The following MAGI1 variants were observed in gnomAD, a reference collection of about 807,000 sequenced individuals.
MAGI1 encodes membrane-associated guanylate kinase, WW and PDZ domain-containing protein 1.
In MAGI1, 58 loss-of-function variants were observed where a neutral mutation model predicts 139.9. The observed-to-expected ratio is 0.41, with a 90% CI of 0.34 to 0.52. The LOEUF (loss-of-function observed/expected upper bound fraction) is 0.52. Ranked by LOEUF, MAGI1 falls within the 20% of genes least tolerant of loss-of-function variation. The pLI is 0.12. For missense variants in MAGI1, 1,874 were observed against 1,901.6 expected (o/e 0.99, Z 0.27); for synonymous variants, 812 against 737.9 (o/e 1.10, Z -1.63).
At chr3:65,379,618 C>G in intron 16 of MAGI1, 64 bp from the exon 17 acceptor site, 1 of 1,547,670 alleles carries the variant, frequency 6.5e-7, no homozygotes, top group Non-Finnish European at 8.7e-7. Context: ...TGCTGCCCCT[C>G]CCTCCTTCCA....
chr3:65,954,464 A>T (rs1429775625), intron 1 of MAGI1: 2 of 152,682 alleles, frequency 1.3e-5, no homozygotes, highest in African/African-American at 4.8e-5. Context: ...AGGCACTGAC[A>T]TAGAAAATGT....
intron 1 of MAGI1, among the ~76,000 whole-genome samples, chr3:65,633,852 C>A (rs1204410369): frequency 2.0e-5 from 3 of 152,160 alleles, no homozygotes; most frequent in Admixed American, 1.3e-4. Flanking sequence ...AGCTGCATAG[C>A]CTCACCAAAA....
At chr3:65,737,807 T>C (rs1262274844) in intron 1 of MAGI1, among the ~76,000 whole-genome samples, 1 of 152,056 alleles carries the variant, frequency 6.6e-6, no homozygotes, top group Non-Finnish European at 1.5e-5. Context: ...ATATGGCAAA[T>C]GGGTTGGAAG....
intron 1 of MAGI1, among the ~76,000 whole-genome samples, chr3:65,976,871 T>A (rs1347091748): frequency 1.3e-5 from 2 of 152,186 alleles, no homozygotes; most frequent in Non-Finnish European, 2.9e-5. Context: ...TCAAATTACA[T>A]GCTTTCACAC....
At chr3:65,731,149 G>T (rs536443663) in intron 1 of MAGI1, among the ~76,000 whole-genome samples, 1 of 152,156 alleles carries the variant, frequency 6.6e-6, no homozygotes, top group South Asian at 2.1e-4. Flanking sequence ...TTTAATGACT[G>T]GTATATAAGT....
chr3:65,970,900 C>G (rs929948800), intron 1 of MAGI1, among the ~76,000 whole-genome samples: 1 of 152,132 alleles, frequency 6.6e-6, no homozygotes, highest in Non-Finnish European at 1.5e-5. Flanking sequence ...ACAGATAGAT[C>G]AGTTTTAAAA....
intron 1 of MAGI1, among the ~76,000 whole-genome samples, chr3:65,686,884 T>C (rs1046278710): frequency 6.6e-6 from 1 of 152,250 alleles, no homozygotes; most frequent in Admixed American, 6.5e-5. Flanking sequence ...TACTAAGAGT[T>C]ATCATTTTGG....
At chr3:65,552,210 G>C (rs2079867710) in intron 2 of MAGI1, among the ~76,000 whole-genome samples, 1 of 151,992 alleles carries the variant, frequency 6.6e-6, no homozygotes, top group African/African-American at 2.4e-5. Flanking sequence ...AAGAGGATTG[G>C]AGTACAGCCT....
At chr3:65,959,962 C>T (rs1213327902) in intron 1 of MAGI1, among the ~76,000 whole-genome samples, 2 of 151,242 alleles carry the variant, frequency 1.3e-5, no homozygotes, top group African/African-American at 4.9e-5. Flanking sequence ...CCCGCCATCA[C>T]GCCCAGCTAA....
intron 1 of MAGI1, among the ~76,000 whole-genome samples, chr3:65,748,364 A>C (rs1448031789): frequency 1.3e-5 from 2 of 152,144 alleles, no homozygotes; most frequent in African/African-American, 4.8e-5. Flanking sequence ...TCTGATTCTC[A>C]AGTTCAAGTC....
chr3:65,918,661 G>A (rs577342291), intron 1 of MAGI1, among the ~76,000 whole-genome samples: 2 of 152,226 alleles, frequency 1.3e-5, no homozygotes, highest in South Asian at 2.1e-4. Context: ...TTACAGGTGT[G>A]AGCCACCGCG....
chr3:65,983,867 A>T (rs138989563), intron 1 of MAGI1, among the ~76,000 whole-genome samples: 4 of 152,370 alleles, frequency 2.6e-5, no homozygotes, highest in Admixed American at 2.6e-4. Context: ...TGATTATAAT[A>T]GTACAGTTTA....
chr3:65,776,609 G>C (rs1004793444), intron 1 of MAGI1, among the ~76,000 whole-genome samples: 1 of 152,046 alleles, frequency 6.6e-6, no homozygotes, highest in Non-Finnish European at 1.5e-5. Context: ...GAAATCTCTG[G>C]GTAGACATAC....
intron 7 of MAGI1, among the ~76,000 whole-genome samples, chr3:65,445,158 C>T (rs1248902801): frequency 6.6e-6 from 1 of 152,186 alleles, no homozygotes; most frequent in Non-Finnish European, 1.5e-5. Context: ...GGCTAAGATC[C>T]TTTTGGCATT....
chr3:65,805,430 A>G (rs1427753147), intron 1 of MAGI1, among the ~76,000 whole-genome samples: 1 of 152,218 alleles, frequency 6.6e-6, no homozygotes, highest in Non-Finnish European at 1.5e-5. Flanking sequence ...TTAAAAAGTC[A>G]AGAAACAAGA....
At chr3:65,367,306 T>C (rs1941525481) in intron 18 of MAGI1, among the ~76,000 whole-genome samples, 1 of 152,222 alleles carries the variant, frequency 6.6e-6, no homozygotes, top group Non-Finnish European at 1.5e-5. Context: ...TTTTTATTTT[T>C]CTGCTGCTTT....
chr3:65,918,379 A>AT (rs34906725), intron 1 of MAGI1, among the ~76,000 whole-genome samples: 3,768 of 128,580 alleles, frequency 0.029, 193 homozygotes, highest in African/African-American at 0.06. Context: ...GCTCCAAAAC[A>AT]TTTTTTTTTT....
chr3:65,415,017 AAAC>A lies in MAGI1; in HGVS notation c.2168-13550_2168-13548del, dbSNP rs1260670099. ...GCACTCCAGCCTGGGAAAAAAAAAAAAACAAAAAAAAAAAAAACAGAAGAAGAA... is the reference window on the plus strand; with the variant it reads ...GCACTCCAGCCTGGGAAAAAAAAAAAAAAAAAAAAAAAAACAGAAGAAGAA... On this transcript the variant is annotated intron_variant, in intron 12 of 22. Coordinates refer to ENST00000402939, the MANE Select transcript of MAGI1 (RefSeq NM_001033057.2). Among the ~76,000 whole-genome samples, 590 of 67,876 alleles carry A rather than the reference AAAC, an allele frequency of 8.7e-3. 3 individuals are homozygous for A. Among genetic ancestry groups the A allele is most frequent in the African/African-American group, 0.021 (556 of 26,216 alleles). 44.5% of individuals were successfully genotyped at this position (67,876 alleles called of 152,430 possible). A position where few individuals can be genotyped will look rare whatever the true frequency, so the allele number is the denominator to read the frequency against.
intron 2 of MAGI1, among the ~76,000 whole-genome samples, chr3:65,505,211 G>T (rs2077233611): frequency 6.6e-6 from 1 of 151,990 alleles, no homozygotes; most frequent in Admixed American, 6.6e-5. Flanking sequence ...TGTGTAAAAT[G>T]GAATGAACTA....
Sources: allele counts gnomAD v4.1 joint callset (sites outside exome capture counted in the v4.1 genomes callset), GRCh38; gene constraint gnomAD v4.1.1; transcripts MANE v1.5; gene names NCBI Gene and HGNC (gene_info 2026-07-23, HGNC 2026-07-21).